Variants in TRAP1 observed in about 807,000 individuals in gnomAD.
TRAP1 encodes the protein TNF receptor associated protein 1.
A neutral mutation model predicts 89.1 loss-of-function variants in TRAP1; 102 were observed. The ratio of observed to expected loss-of-function variants is 1.15; its 90% CI spans 0.98 to 1.35. The LOEUF is 1.35. Ranked by LOEUF, TRAP1 falls within the 40% of genes most tolerant of loss-of-function variation. TRAP1 has a pLI of 0.00. For synonymous variants in TRAP1, 508 were observed against 388.0 expected (o/e 1.31, Z -3.64); for missense variants, 1,256 against 945.3 (o/e 1.33, Z -4.31).
chr16:3,658,366 T>TC (rs960537030), intron 17 of TRAP1, 136 bp from the exon 18 acceptor site: 71 of 686,800 alleles, frequency 1.0e-4, no homozygotes, highest in African/African-American at 7.5e-4. Context: ...CCTCAGGTGA[T>TC]CCCCCCGCCT....
Position 3,658,244 on chromosome 16 carries a change from G to A in TRAP1, c.2014-14C>T, listed in dbSNP as rs375471339. The A allele has an allele frequency of 2.0e-5, 32 of 1,607,828 alleles. No individual in the cohort carries two copies. The highest frequency in any genetic ancestry group is 1.8e-4 in the Admixed American group (11 of 59,838). On this transcript the variant is annotated splice_polypyrimidine_tract_variant and intron_variant, in intron 17 of 17. Coordinates refer to ENST00000246957, the MANE Select transcript of TRAP1 (RefSeq NM_016292.3). ...GTTCTCGTATATCTGAAAGGCAAGA[G>A]GAGAAACCCATTATGAGGGGCATGG...
intron 1 of TRAP1, among the ~76,000 whole-genome samples, chr16:3,693,671 C>T (rs573941855): frequency 6.6e-6 from 1 of 152,262 alleles, no homozygotes; most frequent in East Asian, 1.9e-4. Flanking sequence ...TGAAACACAG[C>T]ACCACAAACT....
At chr16:3,706,240 C>T (rs1567245480) in intron 1 of TRAP1, among the ~76,000 whole-genome samples, 2 of 151,976 alleles carry the variant, frequency 1.3e-5, no homozygotes, top group African/African-American at 2.4e-5. Context: ...AGACATGAGC[C>T]ACTGCACCAG....
chr16:3,703,017 G>A (rs1444828423), intron 1 of TRAP1, among the ~76,000 whole-genome samples: 1 of 135,920 alleles, frequency 7.4e-6, no homozygotes, highest in East Asian at 2.3e-4. Context: ...ACTCCAGCCT[G>A]GAGAACAAGA....
At chr16:3,667,593 C>T (rs1596703531) in intron 11 of TRAP1, among the ~76,000 whole-genome samples, 1 of 150,374 alleles carries the variant, frequency 6.7e-6, no homozygotes, top group African/African-American at 2.5e-5. Context: ...CCACTGCACT[C>T]CAGCCTGAGC....
At position 3,675,381 on chromosome 16, in the gene TRAP1, G is replaced by A. The variant is rs758964885; in HGVS notation, c.831C>T (p.Tyr277=). 2 of 1,614,066 alleles carry A rather than the reference G, an allele frequency of 1.2e-6. No homozygotes were observed. The highest frequency in any genetic ancestry group is 1.7e-6 in the Non-Finnish European group (2 of 1,179,942). Residue 277 remains tyrosine, a synonymous_variant, in exon 8 of 18, where the codon TAC becomes TAT. Transcript: ENST00000246957. The part of the protein sequence containing the change: ...EARVRDVVTK[Y]SNFVSFPLYL... ...ACAAGGGGAAGCTGACGAAGTTGCTGTACTTCGTTACCACATCTGGAAGGG... is the reference window on the plus strand; with the variant it reads ...ACAAGGGGAAGCTGACGAAGTTGCTATACTTCGTTACCACATCTGGAAGGG...
rs1003676247 is a variant in TRAP1, at chr16:3,659,155, A to G, written c.1941-290T>C. 5.0e-5 allele frequency: 16 copies of G among 322,796 alleles called. No homozygotes were observed. The Admixed American group carries it at 7.9e-4, about 16-fold the overall frequency. The allele number at this position is 322,796 out of a possible 1,614,324, so 20.0% of individuals were successfully genotyped here. On this transcript the variant is annotated intron_variant, in intron 16 of 17. Transcript: ENST00000246957. ...TACGTGAAGACATGCCTTGGTTCCT[A>G]GATAAATAATAAAAGAGAAGGGAGT...
At chr16:3,659,599 A>G (rs2042946130) in intron 16 of TRAP1, 1 of 152,202 alleles carries the variant, frequency 6.6e-6, no homozygotes, top group Non-Finnish European at 1.5e-5. Context: ...TTTTTCACTT[A>G]GAAGTCTGAT....
In TRAP1 at chr16:3,672,752, G is replaced by A. The variant is rs1343989015; in HGVS notation, c.1113C>T (p.Leu371=). ...GGATGTCCGTGGCCTTGGTCTGGATGAGGACTTTGCGGCTGTACAGTGCAA... is the reference window on the plus strand; with the variant it reads ...GGATGTCCGTGGCCTTGGTCTGGATAAGGACTTTGCGGCTGTACAGTGCAA... ...SSVALYSRKV[L]IQTKATDILP... The change falls in exon 10 of 18, where the codon CTC becomes CTT. Residue 371 remains leucine (L), a synonymous_variant. Coordinates refer to ENST00000246957, the MANE Select transcript of TRAP1 (RefSeq NM_016292.3). The A allele has an allele frequency of 3.1e-6, 5 of 1,611,752 alleles. No individual in the cohort carries two copies. The highest frequency in any genetic ancestry group is 4.2e-6 in the Non-Finnish European group (5 of 1,179,112).
At chr16:3,707,184 CTT>C (rs747339831) in intron 1 of TRAP1, among the ~76,000 whole-genome samples, 21 of 130,020 alleles carry the variant, frequency 1.6e-4, no homozygotes, top group Non-Finnish European at 1.2e-4. Flanking sequence ...AAGAGGAAAT[CTT>C]TTTTTTTTTT....
intron 16 of TRAP1, chr16:3,661,745 G>C (rs369726045): frequency 1.1e-4 from 44 of 418,606 alleles, no homozygotes; most frequent in African/African-American, 7.5e-4. Context: ...AAAGCAAAAC[G>C]AGGACATGGT....
intron 16 of TRAP1, 71 bp from the exon 17 acceptor site, chr16:3,658,936 ATTATCAGGATAT>A (rs2042895461): frequency 2.7e-6 from 4 of 1,504,792 alleles, no homozygotes; most frequent in Non-Finnish European, 3.7e-6. Context: ...ATGTTTTGGG[ATTATCAGGATAT>A]TTAAAGAAGC....
chr16:3,668,734 G>C (rs183096673), intron 11 of TRAP1, among the ~76,000 whole-genome samples: 1 of 152,330 alleles, frequency 6.6e-6, no homozygotes, highest in East Asian at 1.9e-4. Flanking sequence ...GCCTGCCACA[G>C]CCAGGAATGC....
chr16:3,697,473 G>T (rs2051305174), intron 1 of TRAP1, among the ~76,000 whole-genome samples: 1 of 151,880 alleles, frequency 6.6e-6, no homozygotes, highest in Non-Finnish European at 1.5e-5. Flanking sequence ...GACCATCCTG[G>T]CTAACACGGT....
intron 16 of TRAP1, 156 bp downstream of exon 16, chr16:3,661,831 G>A (rs1294131493): frequency 3.1e-6 from 3 of 962,118 alleles, no homozygotes; most frequent in South Asian, 5.3e-5. Context: ...CATTTCACAT[G>A]GGTGCAGCCT....
chr16:3,679,813 T>G, intron 4 of TRAP1, 23 bp from the exon 5 acceptor site: 2 of 1,613,380 alleles, frequency 1.2e-6, no homozygotes, highest in Non-Finnish European at 8.5e-7. Flanking sequence ...ACGCACTAAG[T>G]GCCAAGCCCC....
chr16:3,662,782 TG>T (rs751411664), intron 15 of TRAP1, 99 bp downstream of exon 15: 2 of 1,126,500 alleles, frequency 1.8e-6, no homozygotes, highest in East Asian at 4.8e-5. Flanking sequence ...CTGCTGCTGC[TG>T]GAAGGACACC....
chr16:3,705,901 C>G (rs1178793475), intron 1 of TRAP1, among the ~76,000 whole-genome samples: 2 of 151,690 alleles, frequency 1.3e-5, no homozygotes, highest in Non-Finnish European at 2.9e-5. Flanking sequence ...CCATGTTGGT[C>G]AGGCTGGTCT....
intron 1 of TRAP1, among the ~76,000 whole-genome samples, chr16:3,700,432 G>A (rs1210913006): frequency 6.6e-6 from 1 of 151,760 alleles, no homozygotes; most frequent in Non-Finnish European, 1.5e-5. Flanking sequence ...CTCCCAAAGT[G>A]CTAGGATTAC....
Sources: allele counts gnomAD v4.1 joint callset (sites outside exome capture counted in the v4.1 genomes callset), GRCh38; gene constraint gnomAD v4.1.1; transcripts MANE v1.5; gene names NCBI Gene and HGNC (gene_info 2026-07-23, HGNC 2026-07-21).